The following JADE3 variants were observed in gnomAD, a reference collection of about 807,000 sequenced individuals.
The protein encoded by JADE3 is jade family PHD finger 3, also known as protein Jade-3.
JADE3 carries 2 observed loss-of-function variants against 50.1 expected under a neutral mutation model. That is an observed-to-expected ratio of 0.04 (90% CI 0.02 to 0.13). The LOEUF is 0.13. Ranked by LOEUF, JADE3 falls within the 10% of genes least tolerant of loss-of-function variation. JADE3 has a pLI of 1.00. For synonymous variants in JADE3, 218 were observed against 232.9 expected, an observed-to-expected ratio of 0.94 and a Z score of 0.58; for missense variants, 475 against 634.4, an observed-to-expected ratio of 0.75 and a Z score of 2.70.
chrX:46,989,162 G>A (rs782806890), intron 3 of JADE3, among the ~76,000 whole-genome samples: 6 of 112,050 alleles, frequency 5.4e-5, no homozygotes, highest in East Asian at 5.6e-4. Context: ...TTTTCAAAGC[G>A]TCAGTTTATG....
chrX:46,922,108 C>A (rs1362556242), intron 1 of JADE3, among the ~76,000 whole-genome samples: 1 of 108,247 alleles, frequency 9.2e-6, no homozygotes, highest in Non-Finnish European at 1.9e-5. Flanking sequence ...TGTGATGCTC[C>A]CCTCCCTGCG....
chrX:47,054,497 C>T lies in JADE3; in HGVS notation c.1312C>T (p.Arg438Trp). 8.3e-7 allele frequency: 1 copy of T among 1,209,548 alleles called. No individual in the cohort carries two copies. The highest frequency in any genetic ancestry group is 1.1e-6 in the Non-Finnish European group (1 of 893,639). The change falls in exon 9 of 11, where the codon CGG (arginine) becomes TGG (tryptophan). Residue 438 changes from arginine (R) to tryptophan (W), a missense_variant. Around this residue, in one of 6 missense-constraint regions of JADE3, gnomAD observed 81 missense variants for 123.8 expected, o/e 0.65. Coordinates refer to ENST00000614628, the MANE Select transcript of JADE3 (RefSeq NM_014735.5). ...DFIYNYWKLKRKSNFNKPLFP... is the reference protein window; with the variant it reads ...DFIYNYWKLKWKSNFNKPLFP... Reference sequence around the variant, plus strand: ...TATCTATAACTACTGGAAACTGAAGCGGAAAAGTAACTTCAATAAGCCATT... The same window carrying T: ...TATCTATAACTACTGGAAACTGAAGTGGAAAAGTAACTTCAATAAGCCATT...
At chrX:46,982,652 C>T (rs1927781659) in intron 1 of JADE3, among the ~76,000 whole-genome samples, 1 of 110,670 alleles carries the variant, frequency 9.0e-6, no homozygotes, top group African/African-American at 3.3e-5. Context: ...TTTCCTCAAC[C>T]CCCATTCTCA....
At chrX:47,040,140 G>A (rs1556369304) in intron 8 of JADE3, among the ~76,000 whole-genome samples, 1 of 111,930 alleles carries the variant, frequency 8.9e-6, no homozygotes, top group African/African-American at 3.2e-5. Flanking sequence ...TAGAGGGATG[G>A]AAGGGCTGAC....
chrX:46,924,830 T>G (rs189858878), intron 1 of JADE3, among the ~76,000 whole-genome samples: 28 of 112,493 alleles, frequency 2.5e-4, no homozygotes, highest in African/African-American at 9.0e-4. Flanking sequence ...TTTGCGTCAC[T>G]GAAAATTAGA....
chrX:47,002,093 G>A (rs1400462816), intron 4 of JADE3, among the ~76,000 whole-genome samples: 1 of 110,907 alleles, frequency 9.0e-6, no homozygotes, highest in Admixed American at 9.6e-5. Flanking sequence ...CGTTCACAAA[G>A]TATAAGTTTG....
Position 47,054,336 on chromosome X carries a change from A to G in JADE3, c.1151A>G (p.Glu384Gly). Reference protein sequence around the residue: ...EAEYPHHRAKEQSQAKSEKTS... With the variant: ...EAEYPHHRAKGQSQAKSEKTS... ...GAGTACCCCCACCACAGGGCTAAAGAGCAGAGCCAGGCCAAAAGTGAGAAA... is the reference window on the plus strand; with the variant it reads ...GAGTACCCCCACCACAGGGCTAAAGGGCAGAGCCAGGCCAAAAGTGAGAAA... Residue 384 changes from glutamate to glycine, a missense_variant, in exon 9 of 11, where the codon GAG becomes GGG. By Grantham distance (98) the Glu-to-Gly change is moderately conservative (BLOSUM62 -2). Coordinates refer to ENST00000614628, the MANE Select transcript of JADE3 (RefSeq NM_014735.5). 8.3e-7 allele frequency: 1 copy of G among 1,211,119 alleles called. No individual in the cohort carries two copies. Among genetic ancestry groups the G allele is most frequent in the African/African-American group, 1.7e-5 (1 of 57,668 alleles).
At chrX:47,006,991 A>G in intron 4 of JADE3, among the ~76,000 whole-genome samples, 1 of 103,491 alleles carries the variant, frequency 9.7e-6, no homozygotes, top group East Asian at 3.0e-4. Context: ...CTTTTAAGAG[A>G]TGAGATCTCA....
chrX:47,024,728 A>G lies in JADE3; in HGVS notation c.289A>G (p.Ile97Val), dbSNP rs1556365141. Residue 97 changes from isoleucine to valine, a missense_variant, in exon 5 of 11, where the codon ATA (isoleucine) becomes GTA (valine). Ile to Val is a conservative substitution (Grantham distance 29). Coordinates refer to ENST00000614628, the MANE Select transcript of JADE3 (RefSeq NM_014735.5). The part of the protein sequence containing the change: ...DTVPQPSLRI[I>V]AEKVKDVLFI... ...GTCTTTCTGTTGCTTTTCTAGGATT[A>G]TAGCTGAGAAGGTAAAGGACGTTCT... 8.6e-7 allele frequency: 1 copy of G among 1,163,671 alleles called. No homozygotes were observed. Among genetic ancestry groups the G allele is most frequent in the Admixed American group, 2.3e-5 (1 of 43,255 alleles).
chrX:46,979,147 T>C (rs1556352278), intron 1 of JADE3, among the ~76,000 whole-genome samples: 1 of 112,240 alleles, frequency 8.9e-6, no homozygotes, highest in Non-Finnish European at 1.9e-5. Context: ...TTTCCTAGGC[T>C]TTTTACTGAT....
At chrX:47,035,258 C>T (rs782662143) in intron 7 of JADE3, among the ~76,000 whole-genome samples, 1 of 111,379 alleles carries the variant, frequency 9.0e-6, no homozygotes, top group African/African-American at 3.3e-5. Flanking sequence ...AACTCATTCT[C>T]CTTTAAGATT....
At chrX:46,939,422 A>G (rs1312004720) in intron 1 of JADE3, among the ~76,000 whole-genome samples, 1 of 111,624 alleles carries the variant, frequency 9.0e-6, no homozygotes, top group African/African-American at 3.3e-5. Flanking sequence ...GAAATATATA[A>G]GTATTTACTA....
chrX:47,041,527 G>A (rs974806960), intron 8 of JADE3, among the ~76,000 whole-genome samples: 6 of 109,824 alleles, frequency 5.5e-5, no homozygotes, highest in East Asian at 2.9e-4. Context: ...ACAGGTACAC[G>A]CCACTACACC....
intron 1 of JADE3, among the ~76,000 whole-genome samples, chrX:46,968,460 G>C (rs1362206530): frequency 9.0e-6 from 1 of 111,211 alleles, no homozygotes; most frequent in Non-Finnish European, 1.9e-5. Context: ...TGTAGTCCTA[G>C]CTACCTGGGA....
chrX:46,928,139 C>G (rs1345252906), intron 1 of JADE3, among the ~76,000 whole-genome samples: 2 of 111,560 alleles, frequency 1.8e-5, no homozygotes, highest in African/African-American at 6.5e-5. Flanking sequence ...GCACTGCCTT[C>G]CCTCTCCCGT....
intron 4 of JADE3, among the ~76,000 whole-genome samples, chrX:47,021,559 TAA>T (rs1298538088): frequency 5.4e-5 from 6 of 111,866 alleles, no homozygotes; most frequent in Non-Finnish European, 9.4e-5. Context: ...ACCAGCAGCA[TAA>T]GAGATAATCT....
Position 47,039,076 on chromosome X carries a change from A to G in JADE3, c.972+11A>G. On this transcript the variant is annotated intron_variant, in intron 8 of 10. Transcript: ENST00000614628. Reference sequence around the variant, plus strand: ...GGGGCTTGTATTCAGGTAAGTCCCCATGAGAAGTGGTAGAGTGGGCTAACA... The same window carrying G: ...GGGGCTTGTATTCAGGTAAGTCCCCGTGAGAAGTGGTAGAGTGGGCTAACA... The G allele has an allele frequency of 1.0e-6, 1 of 963,605 alleles. No homozygotes were observed. The highest frequency in any genetic ancestry group is 3.1e-5 in the East Asian group (1 of 32,461). 79.4% of individuals were successfully genotyped at this position (963,605 alleles called of 1,213,427 possible).
At chrX:47,039,955 C>G (rs782649332) in intron 8 of JADE3, among the ~76,000 whole-genome samples, 1 of 111,707 alleles carries the variant, frequency 9.0e-6, no homozygotes, top group Non-Finnish European at 1.9e-5. Context: ...CATGCCTACT[C>G]AATGTTTAGC....
chrX:46,959,012 A>G (rs1258577426), intron 1 of JADE3, among the ~76,000 whole-genome samples: 1 of 112,040 alleles, frequency 8.9e-6, no homozygotes, highest in Non-Finnish European at 1.9e-5. Context: ...GCTTCCTGGT[A>G]GTCTTTCTCT....
Sources: allele counts gnomAD v4.1 joint callset (sites outside exome capture counted in the v4.1 genomes callset), GRCh38; gene constraint gnomAD v4.1.1; regional missense constraint gnomAD v4.1.1; transcripts MANE v1.5; gene names NCBI Gene and HGNC (gene_info 2026-07-23, HGNC 2026-07-21).